Variants in GFRA2 observed in about 807,000 individuals in gnomAD.
The protein encoded by GFRA2 is GDNF family receptor alpha 2.
A neutral mutation model predicts 48.3 loss-of-function variants in GFRA2; 17 were observed. The ratio of observed to expected loss-of-function variants is 0.35; its 90% CI spans 0.24 to 0.53. The LOEUF is 0.53. GFRA2 is among the 20% of genes least tolerant of loss of function. The probability of loss-of-function intolerance (pLI) is 0.93; values close to 1 mark genes in which losing one functional copy is unlikely to be tolerated. For synonymous variants in GFRA2, 305 were observed against 257.2 expected (o/e 1.19, Z -1.78); for missense variants, 660 against 637.3 (o/e 1.04, Z -0.38).
At chr8:21,705,360 C>T (rs1265115215) in intron 5 of GFRA2, among the ~76,000 whole-genome samples, 1 of 152,154 alleles carries the variant, frequency 6.6e-6, no homozygotes, top group South Asian at 2.1e-4. Context: ...CTCCTTGCCA[C>T]CAGGAAGGCA....
At chr8:21,707,794 G>A (rs548580336) in intron 4 of GFRA2, among the ~76,000 whole-genome samples, 182 of 152,300 alleles carry the variant, frequency 1.2e-3, no homozygotes, top group African/African-American at 2.5e-3. Context: ...TGAAGGTTCC[G>A]GAACCATGTG....
chr8:21,782,514 C>T lies in GFRA2; in HGVS notation c.355+71G>A, dbSNP rs2117071736. On this transcript the variant is annotated intron_variant, in intron 2 of 8. Transcript: ENST00000524240. ...ACCACCTAGTCCTCCCTCCTGAACC[C>T]CTGGCCCGCCACACGTCCTCTCTGC... The T allele has an allele frequency of 2.5e-6, 3 of 1,201,298 alleles. No individual in the cohort carries two copies. The South Asian group carries it at 4.3e-5, about 17-fold the overall frequency. The allele number at this position is 1,201,298 out of a possible 1,614,324, so 74.4% of individuals were successfully genotyped here. A position where few individuals can be genotyped will look rare whatever the true frequency, so the allele number is the denominator to read the frequency against.
chr8:21,752,976 C>T (rs1805372105), intron 3 of GFRA2, among the ~76,000 whole-genome samples: 1 of 152,140 alleles, frequency 6.6e-6, no homozygotes, highest in African/African-American at 2.4e-5. Context: ...CCTCCTTCTC[C>T]CAGCCTCCTG....
intron 2 of GFRA2, among the ~76,000 whole-genome samples, chr8:21,795,394 A>AT (rs1372611472): frequency 3.0e-4 from 36 of 119,330 alleles, no homozygotes; most frequent in African/African-American, 9.8e-4. Flanking sequence ...CTTTTTATTT[A>AT]TTTATTTTTT....
At position 21,788,309 on chromosome 8, in the gene GFRA2, A is replaced by G. The variant is rs980866685; in HGVS notation, c.-150T>C. 3.5e-4 allele frequency: 490 copies of G among 1,388,072 alleles called. 5 individuals carry two copies. In the South Asian group the frequency reaches 8.0e-3, roughly 23 times the overall value. The allele number at this position is 1,388,072 out of a possible 1,614,324, so 86.0% of individuals were successfully genotyped here. A position where few individuals can be genotyped will look rare whatever the true frequency, so the allele number is the denominator to read the frequency against. ...GCTAGTCCACCCGATGAAGATCCCG[A>G]GTCCTGCGATTCTCGCCTCTGGCTG... On this transcript the variant is annotated 5_prime_UTR_variant, in exon 1 of 9. Coordinates refer to ENST00000524240, the MANE Select transcript of GFRA2 (RefSeq NM_001495.5).
chr8:21,723,381 C>G (rs556541740), intron 4 of GFRA2, among the ~76,000 whole-genome samples: 2 of 152,276 alleles, frequency 1.3e-5, no homozygotes, highest in South Asian at 4.1e-4. Flanking sequence ...GAAGAAAAAT[C>G]TGAGTCTAAA....
At chr8:21,743,769 A>G (rs1804864872) in intron 4 of GFRA2, among the ~76,000 whole-genome samples, 1 of 152,174 alleles carries the variant, frequency 6.6e-6, no homozygotes, top group South Asian at 2.1e-4. Flanking sequence ...TCGCTAATCA[A>G]TCACAGCCCT....
chr8:21,712,307 G>C (rs1431884804), intron 4 of GFRA2, among the ~76,000 whole-genome samples: 1 of 151,464 alleles, frequency 6.6e-6, no homozygotes, highest in Non-Finnish European at 1.5e-5. Flanking sequence ...GCCGGGCAGA[G>C]ATGCTCCTCA....
chr8:21,760,230 G>C (rs1805834535), intron 3 of GFRA2, among the ~76,000 whole-genome samples: 1 of 152,200 alleles, frequency 6.6e-6, no homozygotes, highest in Admixed American at 6.5e-5. Flanking sequence ...AAGCGCTGGA[G>C]AGCATTAAGG....
chr8:21,705,852 T>G lies in GFRA2; in HGVS notation c.904+80A>C, dbSNP rs370967186. ...TCAGGCTGTCTCCCCCAGCTGGCCCTGAGCTGGGCTGCGGCCCCTGCCCTG... is the reference window on the plus strand; with the variant it reads ...TCAGGCTGTCTCCCCCAGCTGGCCCGGAGCTGGGCTGCGGCCCCTGCCCTG... On this transcript the variant is annotated intron_variant, in intron 5 of 8. Transcript: ENST00000524240. 1,984 of 916,382 alleles carry G rather than the reference T, an allele frequency of 2.2e-3. 24 individuals are homozygous for G. Among genetic ancestry groups the G allele is most frequent in the South Asian group, 0.015 (954 of 63,428 alleles). The allele number at this position is 916,382 out of a possible 1,614,324, so 56.8% of individuals were successfully genotyped here.
intron 4 of GFRA2, among the ~76,000 whole-genome samples, chr8:21,725,716 A>C (rs896104185): frequency 3.9e-5 from 6 of 152,212 alleles, no homozygotes; most frequent in African/African-American, 1.2e-4. Context: ...GACTTAGAAC[A>C]ATTAAATGAC....
chr8:21,735,851 T>C (rs1429001740), intron 4 of GFRA2, among the ~76,000 whole-genome samples: 3 of 148,832 alleles, frequency 2.0e-5, no homozygotes, highest in Non-Finnish European at 3.0e-5. Flanking sequence ...AAAAAAAAAA[T>C]TGTAGAGATG....
At chr8:21,705,168 G>C (rs369268651) in intron 5 of GFRA2, 43 bp from the exon 6 acceptor site, 3 of 1,575,016 alleles carry the variant, frequency 1.9e-6, no homozygotes, top group Non-Finnish European at 1.7e-6. Flanking sequence ...AGGTACGGTG[G>C]GGCCTTCCCC....
chr8:21,761,205 A>T (rs1277716449), intron 3 of GFRA2, among the ~76,000 whole-genome samples: 1 of 152,144 alleles, frequency 6.6e-6, no homozygotes, highest in Non-Finnish European at 1.5e-5. Context: ...CTCCTCATGG[A>T]GCATCCAACC....
chr8:21,807,642 G>A (rs922959427), intron 1 of GFRA2, among the ~76,000 whole-genome samples: 3 of 152,024 alleles, frequency 2.0e-5, no homozygotes, highest in Admixed American at 6.6e-5. Flanking sequence ...TCCTCACATC[G>A]CCTTTCCTCT....
intron 3 of GFRA2, among the ~76,000 whole-genome samples, chr8:21,751,869 G>C (rs1805310992): frequency 6.6e-6 from 1 of 152,138 alleles, no homozygotes. Flanking sequence ...AGCGCAAGAG[G>C]AGGGCCCACT....
At chr8:21,790,284 A>G (rs946174797), upstream of GFRA2, among the ~76,000 whole-genome samples, 25 of 152,254 alleles carry the variant, frequency 1.6e-4, no homozygotes, top group South Asian at 3.5e-3. Context: ...CTCGGCGCGC[A>G]CACACGGTGT....
intron 3 of GFRA2, among the ~76,000 whole-genome samples, chr8:21,767,416 C>G (rs923416627): frequency 6.6e-6 from 1 of 152,248 alleles, no homozygotes; most frequent in African/African-American, 2.4e-5. Context: ...CACACAATGA[C>G]CCCTCTCCCG....
chr8:21,809,210 AG>A (rs1344720490), intron 1 of GFRA2, among the ~76,000 whole-genome samples: 1 of 152,198 alleles, frequency 6.6e-6, no homozygotes, highest in African/African-American at 2.4e-5. Context: ...CTGCTGTGGG[AG>A]GAACACTGAG....
Sources: allele counts gnomAD v4.1 joint callset (sites outside exome capture counted in the v4.1 genomes callset), GRCh38; gene constraint gnomAD v4.1.1; transcripts MANE v1.5; gene names NCBI Gene and HGNC (gene_info 2026-07-23, HGNC 2026-07-21).